Variants in GRIP2 observed in about 807,000 individuals in gnomAD.
GRIP2 encodes the protein glutamate receptor-interacting protein 2.
A neutral mutation model predicts 108.3 loss-of-function variants in GRIP2; 58 were observed. The observed-to-expected ratio is 0.54, with a 90% CI of 0.43 to 0.67. The LOEUF (loss-of-function observed/expected upper bound fraction) is 0.67. GRIP2 is among the 30% of genes least tolerant of loss of function. The probability of loss-of-function intolerance (pLI) is 0.00; values close to 1 mark genes in which losing one functional copy is unlikely to be tolerated. For missense variants in GRIP2, 1,278 were observed against 1,430.6 expected (o/e 0.89, Z 1.72); for synonymous variants, 586 against 598.2 (o/e 0.98, Z 0.30).
intron 1 of GRIP2, among the ~76,000 whole-genome samples, chr3:14,527,192 C>T (rs535779332): frequency 6.7e-6 from 1 of 150,190 alleles, no homozygotes; most frequent in African/African-American, 2.5e-5. Flanking sequence ...CACTCTGTCT[C>T]GAAAAGAGAG....
chr3:14,576,881 A>T, the GRIP2 span, among the ~76,000 whole-genome samples: 326 of 152,326 alleles, frequency 2.1e-3, no homozygotes, highest in African/African-American at 7.6e-3. Context: ...CCATTGATTC[A>T]TCCTCTAAAA....
the GRIP2 span, among the ~76,000 whole-genome samples, chr3:14,588,623 A>G: frequency 3.3e-5 from 5 of 152,112 alleles, no homozygotes; most frequent in African/African-American, 9.7e-5. Flanking sequence ...AGCTGCCCAC[A>G]AACCCCTGGA....
Position 14,505,771 on chromosome 3 carries a change from G to C in GRIP2, c.2417C>G (p.Ala806Gly), listed in dbSNP as rs1439291851. 3.2e-5 allele frequency: 50 copies of C among 1,560,454 alleles called. No individual in the cohort carries two copies. Among genetic ancestry groups the C allele is most frequent in the Non-Finnish European group, 4.3e-5 (50 of 1,153,308 alleles). The change falls in exon 20 of 24, where the codon GCA becomes GGA. Residue 806 changes from alanine (A) to glycine (G), a missense_variant. By Grantham distance (60) the Ala-to-Gly change is moderately conservative. Transcript: ENST00000621039. This position sits in a 1 kb window ranked among gnomAD's most constrained non-coding sequence, Gnocchi z 4.2. ...FGGPGSYTPQ[A>G]AARGTTPQER... ...CTGGGGGGTCGTGCCCCGGGCTGCT[G>C]CCTGTGGTGTATAGGACCCTGGTGG...
chr3:14,499,584 G>A (rs978239541), intron 21 of GRIP2, among the ~76,000 whole-genome samples: 3 of 151,878 alleles, frequency 2.0e-5, no homozygotes, highest in African/African-American at 7.3e-5. Context: ...TTAACCAAGC[G>A]TGGTGGTGCA....
At chr3:14,523,738 C>T in intron 4 of GRIP2, 40 bp from the exon 5 acceptor site, 2 of 1,377,526 alleles carry the variant, frequency 1.5e-6, no homozygotes, top group Non-Finnish European at 2.0e-6. Flanking sequence ...CCCTCAGTCG[C>T]ATCTCCAGGC....
chr3:14,519,897 G>A (rs553981475), intron 9 of GRIP2, among the ~76,000 whole-genome samples: 1 of 152,110 alleles, frequency 6.6e-6, no homozygotes, highest in Non-Finnish European at 1.5e-5. Flanking sequence ...ATCTATGCCA[G>A]CAGACTCAAT....
chr3:14,580,962 C>T, the GRIP2 span, among the ~76,000 whole-genome samples: 2 of 151,900 alleles, frequency 1.3e-5, no homozygotes, highest in African/African-American at 4.8e-5. Flanking sequence ...ACATAGAGAC[C>T]CTGCTTGAGC....
At chr3:14,573,848 T>G in the GRIP2 span, 1 of 1,423,528 alleles carries the variant, frequency 7.0e-7, no homozygotes. Context: ...TCACCCACAT[T>G]GCCAGCATGG....
chr3:14,580,548 T>A, the GRIP2 span, among the ~76,000 whole-genome samples: 2 of 151,994 alleles, frequency 1.3e-5, no homozygotes, highest in Non-Finnish European at 2.9e-5. Flanking sequence ...ATAAAAAAAA[T>A]TAGCCGGTGT....
rs1167468703 is a variant in GRIP2, at chr3:14,525,521, G to A, written c.173C>T (p.Thr58Met). Residue 58 changes from threonine (T) to methionine (M), a missense_variant, in exon 3 of 24, where the codon ACG becomes ATG. Coordinates refer to ENST00000621039, the MANE Select transcript of GRIP2 (RefSeq NM_001080423.4). ...VVELIKKEGS[T>M]LGLTISGGTD... is the part of the protein sequence containing the mutation. ...GCCACCTGAGATAGTCAGGCCCAGC[G>A]TGCTGCCTTCTTTCTTGATCAGCTC... The A allele has an allele frequency of 5.0e-6, 8 of 1,613,786 alleles. No individual in the cohort carries two copies. Among genetic ancestry groups the A allele is most frequent in the East Asian group, 2.2e-5 (1 of 44,872 alleles).
chr3:14,501,505 T>C (rs1051743893), intron 21 of GRIP2, among the ~76,000 whole-genome samples: 1 of 152,170 alleles, frequency 6.6e-6, no homozygotes, highest in Non-Finnish European at 1.5e-5. Context: ...ACAATTTGGG[T>C]CCAACTGAGG....
At position 14,521,061 on chromosome 3, in the gene GRIP2, C is replaced by A; in HGVS notation, c.713-524G>T. 5.8e-6 allele frequency: 1 copy of A among 173,122 alleles called. No individual in the cohort carries two copies. 10.7% of individuals were successfully genotyped at this position (173,122 alleles called of 1,614,324 possible). A position where few individuals can be genotyped will look rare whatever the true frequency, so the allele number is the denominator to read the frequency against. ...CCACCAGCCTGGTTCAGTCCCTTAG[C>A]TCTCGCTTGGACAGCTGCTGCCGCT... On this transcript the variant is annotated intron_variant, in intron 7 of 23. Coordinates refer to ENST00000621039, the MANE Select transcript of GRIP2 (RefSeq NM_001080423.4). The surrounding 1 kb of genome is among the most constrained non-coding windows in gnomAD (Gnocchi z 5.1).
At chr3:14,550,354 G>C (rs1695127239) in intron 1 of GRIP2, among the ~76,000 whole-genome samples, 1 of 152,232 alleles carries the variant, frequency 6.6e-6, no homozygotes. Flanking sequence ...CGGCTGGCTG[G>C]GGCCTCATCT....
the GRIP2 span, among the ~76,000 whole-genome samples, chr3:14,568,465 C>T: frequency 6.6e-6 from 1 of 152,156 alleles, no homozygotes; most frequent in Non-Finnish European, 1.5e-5. Flanking sequence ...AAGTCACCTG[C>T]CCAGTGTCAC....
At chr3:14,573,255 C>T in the GRIP2 span, 1 of 1,398,036 alleles carries the variant, frequency 7.2e-7, no homozygotes, top group Non-Finnish European at 1.0e-6. Context: ...AAACTGGGAG[C>T]CAGCTGGAAC....
rs368936625 is a variant in GRIP2 at position 14,514,806 on chromosome 3, T to C, written c.1307-328A>G. Among the ~76,000 whole-genome samples the C allele has an allele frequency of 7.0e-4, 106 of 152,374 alleles. No homozygotes were observed. In the South Asian group the frequency reaches 8.9e-3, roughly 13 times the overall value. ...CTGTGATCTACTGTAGTATCTACTA[T>C]ATTATGTCACTCTGCTTTTCGGTAA... On this transcript the variant is annotated intron_variant, in intron 11 of 23. Coordinates refer to ENST00000621039, the MANE Select transcript of GRIP2 (RefSeq NM_001080423.4).
chr3:14,530,034 C>A (rs1325145155), intron 1 of GRIP2, among the ~76,000 whole-genome samples: 1 of 152,128 alleles, frequency 6.6e-6, no homozygotes, highest in Non-Finnish European at 1.5e-5. Context: ...GATTTCAGAA[C>A]CATGGAGGTA....
At chr3:14,564,544 G>A in the GRIP2 span, among the ~76,000 whole-genome samples, 2 of 152,262 alleles carry the variant, frequency 1.3e-5, no homozygotes, top group Non-Finnish European at 2.9e-5. Flanking sequence ...AGTAAGTATA[G>A]TATCACACAG....
rs756803115 is a variant in GRIP2 at position 14,520,511 on chromosome 3, A to G, written c.739T>C (p.Leu247=). The G allele has an allele frequency of 2.5e-6, 4 of 1,613,962 alleles. No individual in the cohort carries two copies. Among genetic ancestry groups the G allele is most frequent in the South Asian group, 2.2e-5 (2 of 91,080 alleles). The change falls in exon 8 of 24, where the codon TTG becomes CTG. Residue 247 remains leucine (L), a synonymous_variant. Coordinates refer to ENST00000621039, the MANE Select transcript of GRIP2 (RefSeq NM_001080423.4). ...GGCGTCTTGACTATTTCCACCATCA[A>G]GGGTCCCGAAGCATTAGCCACCGTG... The part of the protein sequence containing the change: ...PDTVANASGP[L]MVEIVKTPGS...
Sources: gnomAD v4.1 joint callset for allele counts (sites outside exome capture counted in the v4.1 genomes callset) on GRCh38, gnomAD v4.1.1 for gene constraint, Gnocchi (gnomAD v3.1) non-coding constraint, MANE v1.5 for transcripts, NCBI Gene and HGNC (gene_info 2026-07-23, HGNC 2026-07-21) for gene names.